RPS6KA5: variants seen among roughly 807,000 people sequenced by gnomAD.
The protein encoded by RPS6KA5 is ribosomal protein S6 kinase A5.
A neutral mutation model predicts 85.5 loss-of-function variants in RPS6KA5; 27 were observed. The ratio of observed to expected loss-of-function variants is 0.32; its 90% CI spans 0.23 to 0.44. The LOEUF is 0.44. Among genes scored for constraint, RPS6KA5 ranks in the 20% least tolerant of loss-of-function variants. The pLI is 1.00. For synonymous variants in RPS6KA5, 334 were observed against 348.2 expected (o/e 0.96, Z 0.46); for missense variants, 811 against 980.9 (o/e 0.83, Z 2.31).
chr14:90,883,360 T>C (rs757422019), intron 14 of RPS6KA5, among the ~76,000 whole-genome samples: 7 of 152,190 alleles, frequency 4.6e-5, no homozygotes, highest in Non-Finnish European at 8.8e-5. Flanking sequence ...ATAATTTTAA[T>C]TGTCCTAACT....
At chr14:90,951,118 C>CAAAA (rs57389099) in intron 3 of RPS6KA5, among the ~76,000 whole-genome samples, 3 of 84,532 alleles carry the variant, frequency 3.5e-5, no homozygotes, top group African/African-American at 5.0e-5. Flanking sequence ...GACTCAGTCT[C>CAAAA]AAAAAAAAAA....
Position 90,904,209 on chromosome 14 carries a change from G to A in RPS6KA5, c.958-1240C>T, listed in dbSNP as rs572662649. 2.0e-4 allele frequency among the ~76,000 whole-genome samples: 31 copies of A among 152,190 alleles called. No homozygotes were observed. The South Asian group carries it at 2.9e-3, about 14-fold the overall frequency. ...AGTGATCCGCCCACCTTGGCCTCCC[G>A]AAGTGCTTCAGAAAGGTGTTAAGCC... On this transcript the variant is annotated intron_variant, in intron 8 of 16. Coordinates refer to ENST00000614987, the MANE Select transcript of RPS6KA5 (RefSeq NM_004755.4).
In RPS6KA5 at chr14:90,900,254, C is replaced by A; in HGVS notation, c.1246-13G>T. On this transcript the variant is annotated splice_polypyrimidine_tract_variant and intron_variant, in intron 10 of 16. Coordinates refer to ENST00000614987, the MANE Select transcript of RPS6KA5 (RefSeq NM_004755.4). ...AGAATGGAGAGTCCTGTCAAGAAAT[C>A]AACATCATTTAACTTCAGAAAATGT... 1 of 1,531,492 alleles carries A rather than the reference C, an allele frequency of 6.5e-7. No homozygotes were observed. Among genetic ancestry groups the A allele is most frequent in the South Asian group, 1.4e-5 (1 of 72,858 alleles). The allele number at this position is 1,531,492 out of a possible 1,614,324, so 94.9% of individuals were successfully genotyped here. A position where few individuals can be genotyped will look rare whatever the true frequency, so the allele number is the denominator to read the frequency against.
chr14:90,931,166 CAA>C (rs935432431), intron 5 of RPS6KA5, among the ~76,000 whole-genome samples: 4 of 152,036 alleles, frequency 2.6e-5, no homozygotes, highest in Non-Finnish European at 5.9e-5. Flanking sequence ...AACGAATAAA[CAA>C]AATGTGGCAT....
chr14:90,946,215 A>G (rs573789084), intron 4 of RPS6KA5, among the ~76,000 whole-genome samples: 147 of 152,278 alleles, frequency 9.7e-4, no homozygotes, highest in African/African-American at 3.5e-3. Flanking sequence ...AAGAAGTCCA[A>G]GTGTCTGTTC....
At chr14:90,881,628 G>C (rs913580326) in intron 14 of RPS6KA5, among the ~76,000 whole-genome samples, 2 of 152,010 alleles carry the variant, frequency 1.3e-5, no homozygotes, top group African/African-American at 2.4e-5. Flanking sequence ...AGCCTCCTGA[G>C]TAGCTGGGAT....
intron 5 of RPS6KA5, among the ~76,000 whole-genome samples, chr14:90,935,331 G>A (rs1158730539): frequency 6.6e-6 from 1 of 152,084 alleles, no homozygotes; most frequent in African/African-American, 2.4e-5. Context: ...AATTCTCAAT[G>A]GTATATTTTA....
intron 3 of RPS6KA5, among the ~76,000 whole-genome samples, chr14:90,966,090 A>G (rs1566803045): frequency 1.3e-5 from 2 of 152,332 alleles, no homozygotes; most frequent in East Asian, 3.9e-4. Context: ...CTAAAGTTGT[A>G]GAAAGTGATG....
rs1172474992 is a variant in RPS6KA5 at position 90,899,417 on chromosome 14, T to G, written c.1385A>C (p.Glu462Ala). ...FAVKIISKRM[E>A]ANTQKEITAL... ...TGTTATTTCCTTTTGAGTATTGGCT[T>G]CCATCCTGCAAGATGAGACACTTAG... Residue 462 changes from glutamate (E) to alanine (A), a missense_variant, in exon 12 of 17, where the codon GAA becomes GCA. By Grantham distance (107) the Glu-to-Ala change is moderately radical (BLOSUM62 -1). This residue lies in a region of RPS6KA5 where 650 missense variants were observed against 793.4 expected (regional missense o/e 0.82). Transcript: ENST00000614987. The G allele has an allele frequency of 6.2e-7, 1 of 1,611,856 alleles. No individual in the cohort carries two copies. Among genetic ancestry groups the G allele is most frequent in the Non-Finnish European group, 8.5e-7 (1 of 1,178,152 alleles).
At chr14:90,939,320 T>C (rs1595273541) in intron 5 of RPS6KA5, among the ~76,000 whole-genome samples, 1 of 152,218 alleles carries the variant, frequency 6.6e-6, no homozygotes, top group East Asian at 1.9e-4. Flanking sequence ...AACAAGTCTC[T>C]AGGAAGGTCC....
At chr14:90,952,683 GC>G (rs1460695979) in intron 3 of RPS6KA5, among the ~76,000 whole-genome samples, 1 of 152,172 alleles carries the variant, frequency 6.6e-6, no homozygotes, top group Non-Finnish European at 1.5e-5. Flanking sequence ...CTCAAACATC[GC>G]ATGCAAATGC....
chr14:90,863,081 G>A lies in RPS6KA5; in HGVS notation c.*8993C>T, dbSNP rs1482721064. On this transcript the variant is annotated 3_prime_UTR_variant, in exon 17 of 17. Coordinates refer to ENST00000614987, the MANE Select transcript of RPS6KA5 (RefSeq NM_004755.4). Reference sequence around the variant, plus strand: ...GCACTTTGGGAGGCTGAGGCGGGTGGATCACGAGGTCAGGAATTCGAGGCC... The same window carrying A: ...GCACTTTGGGAGGCTGAGGCGGGTGAATCACGAGGTCAGGAATTCGAGGCC... 2 of 151,750 alleles carry A rather than the reference G, an allele frequency of 1.3e-5. No homozygotes were observed. The highest frequency in any genetic ancestry group is 2.9e-5 in the Non-Finnish European group (2 of 67,952). The allele number at this position is 151,750 out of a possible 1,614,324, so 9.4% of individuals were successfully genotyped here. A position where few individuals can be genotyped will look rare whatever the true frequency, so the allele number is the denominator to read the frequency against.
At chr14:90,923,667 T>G (rs2036518325) in intron 5 of RPS6KA5, among the ~76,000 whole-genome samples, 1 of 152,000 alleles carries the variant, frequency 6.6e-6, no homozygotes, top group South Asian at 2.1e-4. Context: ...AAAGACCAAA[T>G]TCTAAGAGGG....
At chr14:90,963,194 C>T (rs998510108) in intron 3 of RPS6KA5, among the ~76,000 whole-genome samples, 3 of 152,110 alleles carry the variant, frequency 2.0e-5, no homozygotes, top group African/African-American at 7.2e-5. Flanking sequence ...TGGGTTTTAT[C>T]TTTTGTTTTC....
intron 3 of RPS6KA5, among the ~76,000 whole-genome samples, chr14:90,962,174 A>G (rs2038830225): frequency 6.6e-6 from 1 of 152,216 alleles, no homozygotes; most frequent in Non-Finnish European, 1.5e-5. Flanking sequence ...ACGGGCTTAC[A>G]TTATGAAGCC....
At chr14:91,032,356 G>T (rs78590861) in intron 1 of RPS6KA5, among the ~76,000 whole-genome samples, 3,331 of 152,248 alleles carry the variant, frequency 0.022, 44 homozygotes, top group Non-Finnish European at 0.031. Flanking sequence ...TCCCTGTTAT[G>T]CAAGGATTTT....
rs146238329 is a variant in RPS6KA5, at chr14:90,873,165, T to A, written c.2160+467A>T. On this transcript the variant is annotated intron_variant, in intron 16 of 16. Coordinates refer to ENST00000614987, the MANE Select transcript of RPS6KA5 (RefSeq NM_004755.4). ...ATCTGCTTGGCACAAATGTGCATAATCCACAGTTTCTACCAAATAGTCTCA... is the reference window on the plus strand; with the variant it reads ...ATCTGCTTGGCACAAATGTGCATAAACCACAGTTTCTACCAAATAGTCTCA... Among the ~76,000 whole-genome samples the A allele has an allele frequency of 0.01, 1,530 of 152,278 alleles. 69 individuals carry two copies. In the South Asian group the frequency reaches 0.11, roughly 11 times the overall value.
intron 1 of RPS6KA5, among the ~76,000 whole-genome samples, chr14:91,008,474 C>T (rs867645015): frequency 2.6e-5 from 4 of 152,086 alleles, no homozygotes; most frequent in Non-Finnish European, 5.9e-5. Context: ...GAATACAGGT[C>T]CCCATTTACT....
intron 3 of RPS6KA5, among the ~76,000 whole-genome samples, chr14:90,970,734 A>G (rs990798927): frequency 6.6e-5 from 10 of 152,216 alleles, no homozygotes; most frequent in African/African-American, 1.7e-4. Context: ...ACAGATAAAA[A>G]TATTTTTATA....
Sources: gnomAD v4.1 joint callset for allele counts (sites outside exome capture counted in the v4.1 genomes callset) on GRCh38, gnomAD v4.1.1 for gene constraint, gnomAD v4.1.1 regional missense constraint, MANE v1.5 for transcripts, NCBI Gene and HGNC (gene_info 2026-07-23, HGNC 2026-07-21) for gene names.